The following MARCHF1 variants were observed in gnomAD, a reference collection of about 807,000 sequenced individuals.
The protein encoded by MARCHF1 is E3 ubiquitin-protein ligase MARCHF1.
Under a neutral mutation model 54.2 loss-of-function variants are expected in MARCHF1, and 40 were observed. The ratio of observed to expected loss-of-function variants is 0.74; its 90% confidence interval spans 0.57 to 0.96. The LOEUF (loss-of-function observed/expected upper bound fraction) is 0.96. Among genes scored for constraint, MARCHF1 ranks in the 40% least tolerant of loss-of-function variants. The pLI is 0.00. For missense variants in MARCHF1, 586 were observed against 656.5 expected (o/e 0.89, Z 1.17); for synonymous variants, 236 against 236.3 (o/e 1.00, Z 0.01).
rs146591897 is a variant in MARCHF1, at chr4:163,704,228, T to C, written c.112-3365A>G. 9.6e-3 allele frequency among the ~76,000 whole-genome samples: 1,462 copies of C among 151,810 alleles called. 28 individuals carry two copies. Among genetic ancestry groups the C allele is most frequent in the African/African-American group, 0.033 (1,368 of 41,466 alleles). On this transcript the variant is annotated intron_variant, in intron 4 of 9. Transcript: ENST00000514618. Reference sequence around the variant, plus strand: ...TTCCCCCCTTTTTTCAGGTTAAAAATCCCAAGTATTTGAAAGGAGAAACTA... The same window carrying C: ...TTCCCCCCTTTTTTCAGGTTAAAAACCCCAAGTATTTGAAAGGAGAAACTA...
chr4:164,327,117 ATAT>A (rs1735304263), intron 1 of MARCHF1, among the ~76,000 whole-genome samples: 1 of 152,136 alleles, frequency 6.6e-6, no homozygotes, highest in Non-Finnish European at 1.5e-5. Flanking sequence ...TCTGGATGCT[ATAT>A]TAGCACCTAG....
At chr4:164,046,181 G>T (rs184110485) in intron 2 of MARCHF1, among the ~76,000 whole-genome samples, 1 of 152,338 alleles carries the variant, frequency 6.6e-6, no homozygotes, top group South Asian at 2.1e-4. Context: ...CAAATGTTTG[G>T]TAATGGGCCT....
chr4:164,012,110 T>A (rs1753434163), intron 2 of MARCHF1, among the ~76,000 whole-genome samples: 1 of 152,164 alleles, frequency 6.6e-6, no homozygotes, highest in African/African-American at 2.4e-5. Flanking sequence ...GAAATTGGCC[T>A]GGGTCCCAGA....
intron 3 of MARCHF1, among the ~76,000 whole-genome samples, chr4:163,934,107 A>G (rs960904424): frequency 6.6e-6 from 1 of 152,206 alleles, no homozygotes; most frequent in East Asian, 1.9e-4. Flanking sequence ...AGATATGTGC[A>G]CATGTGTGGG....
chr4:164,375,264 G>A (rs1051833210), intron 1 of MARCHF1, among the ~76,000 whole-genome samples: 13 of 152,060 alleles, frequency 8.5e-5, no homozygotes, highest in African/African-American at 2.9e-4. Context: ...TAATTGAAAT[G>A]TTGTACTTTT....
chr4:163,866,574 A>G (rs554180110), intron 3 of MARCHF1, among the ~76,000 whole-genome samples: 35 of 149,614 alleles, frequency 2.3e-4, no homozygotes, highest in African/African-American at 8.5e-4. Context: ...AGGTAAGTCA[A>G]TACATGTCTA....
intron 1 of MARCHF1, among the ~76,000 whole-genome samples, chr4:164,298,018 T>G (rs1476027063): frequency 2.0e-5 from 3 of 152,078 alleles, no homozygotes; most frequent in Non-Finnish European, 2.9e-5. Flanking sequence ...CTATCTAATC[T>G]AGTTATATGT....
At chr4:163,746,511 A>G (rs1476406390) in intron 4 of MARCHF1, among the ~76,000 whole-genome samples, 1 of 152,180 alleles carries the variant, frequency 6.6e-6, no homozygotes, top group African/African-American at 2.4e-5. Flanking sequence ...TTTTCAGCTC[A>G]TGCTGGTAAA....
chr4:163,660,186 A>G (rs1743295609), intron 5 of MARCHF1, among the ~76,000 whole-genome samples: 1 of 152,152 alleles, frequency 6.6e-6, no homozygotes, highest in Non-Finnish European at 1.5e-5. Context: ...GGATAAAGAA[A>G]ATGTGGCACA....
chr4:163,644,579 G>A (rs1742681826), intron 5 of MARCHF1, among the ~76,000 whole-genome samples: 5 of 152,120 alleles, frequency 3.3e-5, no homozygotes, highest in Admixed American at 3.3e-4. Context: ...CCAAGCCCCA[G>A]ACCCCCTCTG....
chr4:164,312,672 T>C (rs1304121803), intron 1 of MARCHF1, among the ~76,000 whole-genome samples: 1 of 152,170 alleles, frequency 6.6e-6, no homozygotes, highest in African/African-American at 2.4e-5. Flanking sequence ...AGAAAGAATC[T>C]ACGATTTACA....
intron 5 of MARCHF1, among the ~76,000 whole-genome samples, chr4:163,633,401 A>G (rs1326446082): frequency 1.3e-5 from 2 of 152,220 alleles, no homozygotes; most frequent in Non-Finnish European, 2.9e-5. Context: ...AAGTGCTTAA[A>G]GGAGCTGATG....
chr4:164,332,321 T>C (rs12510607), intron 1 of MARCHF1, among the ~76,000 whole-genome samples: 18,860 of 152,170 alleles, frequency 0.12, 1,928 homozygotes, highest in East Asian at 0.42. Flanking sequence ...AATGCCATGG[T>C]TGCTTTTACA....
At chr4:163,732,762 C>T (rs1229481780) in intron 4 of MARCHF1, among the ~76,000 whole-genome samples, 1 of 151,988 alleles carries the variant, frequency 6.6e-6, no homozygotes, top group East Asian at 1.9e-4. Flanking sequence ...ATACTTTTAC[C>T]CAGTAAAAAT....
intron 7 of MARCHF1, among the ~76,000 whole-genome samples, chr4:163,605,338 A>C (rs1012912347): frequency 6.6e-6 from 1 of 152,208 alleles, no homozygotes; most frequent in Non-Finnish European, 1.5e-5. Context: ...GAGAAATGCA[A>C]ATCAAAACCA....
In MARCHF1 at chr4:163,830,811, A is replaced by G. The variant is rs560172538; in HGVS notation, c.111+23210T>C. On this transcript the variant is annotated intron_variant, in intron 4 of 9. Transcript: ENST00000514618. ...AAAAATAAAATTAAAAACAAAGTAT[A>G]TGCTCTCCTGTGATTTGGAAAAGCT... Among the ~76,000 whole-genome samples, 6 of 152,266 alleles carry G rather than the reference A, an allele frequency of 3.9e-5. No homozygotes were observed. In the South Asian group the frequency reaches 8.3e-4, roughly 21 times the overall value.
intron 4 of MARCHF1, among the ~76,000 whole-genome samples, chr4:163,732,598 A>T (rs1329187986): frequency 6.6e-6 from 1 of 152,166 alleles, no homozygotes; most frequent in Non-Finnish European, 1.5e-5. Flanking sequence ...TAATAAAGAG[A>T]AAATGTTTAA....
At chr4:163,935,702 C>CTTTT (rs34331599) in intron 3 of MARCHF1, among the ~76,000 whole-genome samples, 123 of 125,308 alleles carry the variant, frequency 9.8e-4, no homozygotes, top group Middle Eastern at 4.5e-3. Flanking sequence ...TGCTTGCTTT[C>CTTTT]TTTTTTTTTT....
intron 1 of MARCHF1, among the ~76,000 whole-genome samples, chr4:164,303,195 C>T (rs1470179338): frequency 6.6e-6 from 1 of 152,168 alleles, no homozygotes; most frequent in Non-Finnish European, 1.5e-5. Flanking sequence ...TGCTACTCAG[C>T]TCGGTTTTGT....
Sources: gnomAD v4.1 joint callset for allele counts (sites outside exome capture counted in the v4.1 genomes callset) on GRCh38, gnomAD v4.1.1 for gene constraint, MANE v1.5 for transcripts, NCBI Gene and HGNC (gene_info 2026-07-23, HGNC 2026-07-21) for gene names.